Variants in SERPINF2 observed in about 807,000 individuals in gnomAD.
SERPINF2 encodes alpha-2-antiplasmin.
A neutral mutation model predicts 45.0 loss-of-function variants in SERPINF2; 15 were observed. The observed-to-expected ratio is 0.33, with a 90% confidence interval of 0.22 to 0.51. The LOEUF (loss-of-function observed/expected upper bound fraction) is 0.51, where lower values mean the gene tolerates loss of function less well. SERPINF2 is among the 20% of genes least tolerant of loss of function. The probability of loss-of-function intolerance (pLI) is 0.97; values close to 1 mark genes in which losing one functional copy is unlikely to be tolerated. For synonymous variants in SERPINF2, 283 were observed against 277.9 expected (o/e 1.02, Z -0.18); for missense variants, 518 against 637.4 (o/e 0.81, Z 2.02).
Position 1,745,046 on chromosome 17 carries a change from C to T in SERPINF2, c.51C>T (p.Gly17=). The T allele has an allele frequency of 6.2e-7, 1 of 1,613,478 alleles. No homozygotes were observed. Among genetic ancestry groups the T allele is most frequent in the Non-Finnish European group, 8.5e-7 (1 of 1,179,986 alleles). The part of the protein sequence containing the change: ...LLVLSWSCLQ[G]PCSVFSPVSA... ...TGCTCAGCTGGTCCTGCCTGCAAGG[C>T]CCCTGCTCCGTGGTGAGGCTGGGCT... is the stretch of plus-strand genomic sequence containing the variant. The change falls in exon 2 of 10, where the codon GGC becomes GGT. Residue 17 remains glycine, a synonymous_variant. Transcript: ENST00000453066. The surrounding 1 kb of genome is among the most constrained non-coding windows in gnomAD (Gnocchi z 6.2).
intron 8 of SERPINF2, among the ~76,000 whole-genome samples, chr17:1,749,348 C>T (rs183370949): frequency 4.9e-4 from 75 of 152,272 alleles, no homozygotes; most frequent in African/African-American, 1.7e-3. Context: ...TCACTTGAAC[C>T]CAGGAGGGAA....
intron 8 of SERPINF2, among the ~76,000 whole-genome samples, chr17:1,750,124 C>T (rs1906240972): frequency 6.6e-6 from 1 of 151,944 alleles, no homozygotes; most frequent in African/African-American, 2.4e-5. Flanking sequence ...CAGGCATGCA[C>T]CACCACGCCT....
intron 9 of SERPINF2, among the ~76,000 whole-genome samples, chr17:1,753,065 C>G (rs1168373574): frequency 6.6e-6 from 1 of 152,186 alleles, no homozygotes; most frequent in Non-Finnish European, 1.5e-5. Context: ...ATGTGAGCCT[C>G]GCTGGCTTCC....
rs918011077 is a variant in SERPINF2 at position 1,754,648 on chromosome 17, G to A, written c.*114G>A. On this transcript the variant is annotated 3_prime_UTR_variant, in exon 10 of 10. Coordinates refer to ENST00000453066, the MANE Select transcript of SERPINF2 (RefSeq NM_000934.4). ...CAGGGGCCGGGGGCAGTCTGAGAGA[G>A]GCCATTCTTTCCCAACACCTCTTGG... 4.9e-6 allele frequency: 5 copies of A among 1,025,068 alleles called. No individual in the cohort carries two copies. The highest frequency in any genetic ancestry group is 6.8e-6 in the Non-Finnish European group (5 of 734,628). The allele number at this position is 1,025,068 out of a possible 1,614,324, so 63.5% of individuals were successfully genotyped here.
Position 1,745,547 on chromosome 17 carries a change from G to A in SERPINF2, c.165+152G>A, listed in dbSNP as rs747729200. ...AGGGTGGGGAGGACCGAAGGTGGGC[G>A]CCAGGCCCCAGAATGCCAGTGCCCT... On this transcript the variant is annotated intron_variant, in intron 4 of 9. Coordinates refer to ENST00000453066, the MANE Select transcript of SERPINF2 (RefSeq NM_000934.4). This position sits in a 1 kb window ranked among gnomAD's most constrained non-coding sequence, Gnocchi z 6.2. 1.6e-3 allele frequency: 1,840 copies of A among 1,185,024 alleles called. 3 individuals carry two copies. The highest frequency in any genetic ancestry group is 2.0e-3 in the Non-Finnish European group (1,626 of 827,618). The allele number at this position is 1,185,024 out of a possible 1,614,324, so 73.4% of individuals were successfully genotyped here.
At chr17:1,753,783 G>A (rs1010977820) in intron 9 of SERPINF2, among the ~76,000 whole-genome samples, 11 of 152,266 alleles carry the variant, frequency 7.2e-5, no homozygotes, top group Admixed American at 2.0e-4. Context: ...ACCAGGTACC[G>A]GGAGCCCACC....
At chr17:1,748,837 T>C in intron 8 of SERPINF2, 97 bp downstream of exon 8, 1 of 789,450 alleles carries the variant, frequency 1.3e-6, no homozygotes, top group South Asian at 1.3e-5. Flanking sequence ...GTGGAGGCTG[T>C]CTCGCCTTCC....
chr17:1,750,951 G>C (rs940442157), intron 8 of SERPINF2, among the ~76,000 whole-genome samples: 1 of 151,854 alleles, frequency 6.6e-6, no homozygotes, highest in Non-Finnish European at 1.5e-5. Flanking sequence ...TTCATCCTTC[G>C]TCTCCTTTCC....
chr17:1,749,129 A>G (rs936344998), intron 8 of SERPINF2, among the ~76,000 whole-genome samples: 1 of 152,052 alleles, frequency 6.6e-6, no homozygotes, highest in African/African-American at 2.4e-5. Flanking sequence ...GGGAAAGCTG[A>G]AAAAGAAGGT....
At chr17:1,753,125 C>G (rs1178156241) in intron 9 of SERPINF2, among the ~76,000 whole-genome samples, 1 of 152,186 alleles carries the variant, frequency 6.6e-6, no homozygotes, top group East Asian at 1.9e-4. Context: ...TAAAGAAATG[C>G]TGGGTGGAGT....
In SERPINF2 at chr17:1,745,706, A is replaced by G; in HGVS notation, c.166-2A>G. 1.2e-6 allele frequency: 2 copies of G among 1,613,246 alleles called. No homozygotes were observed. Among genetic ancestry groups the G allele is most frequent in the Non-Finnish European group, 1.7e-6 (2 of 1,179,944 alleles). On this transcript the variant is annotated splice_acceptor_variant, in intron 4 of 9. Transcript: ENST00000453066. LOFTEE classifies it high-confidence loss of function. The surrounding 1 kb of genome is among the most constrained non-coding windows in gnomAD (Gnocchi z 6.2). ...TCCCTGACCCCTGATCTGTCCCTGC[A>G]GGAGCCTGGTGGCCAGACTGCCCTG...
At chr17:1,746,933 T>C in intron 5 of SERPINF2, 86 bp from the exon 6 acceptor site, 1 of 1,523,284 alleles carries the variant, frequency 6.6e-7, no homozygotes, top group South Asian at 1.2e-5. Context: ...GACGTCCTCG[T>C]CACGGGTATC....
intron 7 of SERPINF2, among the ~76,000 whole-genome samples, chr17:1,747,901 G>A (rs1905999128): frequency 6.6e-6 from 1 of 151,968 alleles, no homozygotes; most frequent in African/African-American, 2.4e-5. Flanking sequence ...TTCTTCCTCA[G>A]TCTGGGCCAT....
At chr17:1,744,960 G>GA in intron 1 of SERPINF2, 32 bp from the exon 2 acceptor site, 1 of 1,613,438 alleles carries the variant, frequency 6.2e-7, no homozygotes, top group Non-Finnish European at 8.5e-7. Flanking sequence ...GGGGATGTGA[G>GA]ATGGGAACAG....
rs557839924 is a variant in SERPINF2, at chr17:1,744,678, C to T, written c.-4-314C>T. The T allele has an allele frequency of 1.1e-3, 1,076 of 985,298 alleles. 1 individual carries two copies. Among genetic ancestry groups the T allele is most frequent in the Non-Finnish European group, 1.2e-3 (999 of 829,944 alleles). 61.0% of individuals were successfully genotyped at this position (985,298 alleles called of 1,614,324 possible). A position where few individuals can be genotyped will look rare whatever the true frequency, so the allele number is the denominator to read the frequency against. On this transcript the variant is annotated intron_variant, in intron 1 of 9. Transcript: ENST00000453066. Reference sequence around the variant, plus strand: ...ATTCAGACACAGATCTGATTCACAGCGCAGGGCCTTGTAGAATGAGAACGT... The same window carrying T: ...ATTCAGACACAGATCTGATTCACAGTGCAGGGCCTTGTAGAATGAGAACGT...
chr17:1,748,968 G>T (rs1906122826), intron 8 of SERPINF2, among the ~76,000 whole-genome samples: 1 of 152,234 alleles, frequency 6.6e-6, no homozygotes, highest in African/African-American at 2.4e-5. Flanking sequence ...AATATACTGG[G>T]CATTTGCTGT....
At chr17:1,743,903 A>C (rs962302525) in intron 1 of SERPINF2, among the ~76,000 whole-genome samples, 4 of 150,550 alleles carry the variant, frequency 2.7e-5, no homozygotes, top group Admixed American at 1.3e-4. Context: ...AGATGGTCTT[A>C]TTTATTTTTT....
In SERPINF2 at chr17:1,745,156, C is replaced by G. The variant is rs765921034; in HGVS notation, c.64-19C>G. The stretch of plus-strand genomic sequence containing the variant: ...CTTGGCTCCGAGGGGACCTCCTATC[C>G]TCATCCCTTTCTCCACAGTTCTCCC... On this transcript the variant is annotated intron_variant, in intron 2 of 9. Transcript: ENST00000453066. The surrounding 1 kb of genome is among the most constrained non-coding windows in gnomAD (Gnocchi z 6.2). The G allele has an allele frequency of 6.3e-7, 1 of 1,579,332 alleles. No homozygotes were observed. Among genetic ancestry groups the G allele is most frequent in the Non-Finnish European group, 8.6e-7 (1 of 1,163,082 alleles).
Position 1,745,537 on chromosome 17 carries a change from G to T in SERPINF2, c.165+142G>T. ...GAAGGGAGAGAGGGTGGGGAGGACC[G>T]AAGGTGGGCGCCAGGCCCCAGAATG... is the stretch of plus-strand genomic sequence containing the variant. On this transcript the variant is annotated intron_variant, in intron 4 of 9. Transcript: ENST00000453066. The surrounding 1 kb of genome is among the most constrained non-coding windows in gnomAD (Gnocchi z 6.2). 3 of 1,213,784 alleles carry T rather than the reference G, an allele frequency of 2.5e-6. No individual in the cohort carries two copies. Among genetic ancestry groups the T allele is most frequent in the Non-Finnish European group, 3.5e-6 (3 of 851,940 alleles). The allele number at this position is 1,213,784 out of a possible 1,614,324, so 75.2% of individuals were successfully genotyped here. A position where few individuals can be genotyped will look rare whatever the true frequency, so the allele number is the denominator to read the frequency against.
Sources: gnomAD v4.1 joint callset for allele counts (sites outside exome capture counted in the v4.1 genomes callset) on GRCh38, gnomAD v4.1.1 for gene constraint, Gnocchi (gnomAD v3.1) non-coding constraint, MANE v1.5 for transcripts, NCBI Gene and HGNC (gene_info 2026-07-23, HGNC 2026-07-21) for gene names.